KANSL3: variants seen among roughly 807,000 people sequenced by gnomAD.
KANSL3 encodes KAT8 regulatory NSL complex subunit 3.
Under a neutral mutation model 89.2 loss-of-function variants are expected in KANSL3, and 16 were observed. The ratio of observed to expected loss-of-function variants is 0.18; its 90% confidence interval spans 0.12 to 0.27. KANSL3 has a LOEUF of 0.27. Ranked by LOEUF, KANSL3 falls within the 10% of genes least tolerant of loss-of-function variation. The pLI is 1.00. For synonymous variants in KANSL3, 385 were observed against 419.7 expected (o/e 0.92, Z 1.01); for missense variants, 879 against 1,110.6 (o/e 0.79, Z 2.96).
At chr2:96,611,900 C>CGTGTGTGTGTGTGTGT (rs1558703636) in intron 9 of KANSL3, among the ~76,000 whole-genome samples, 12 of 79,570 alleles carry the variant, frequency 1.5e-4, no homozygotes, top group African/African-American at 1.1e-3. Context: ...GATATATACC[C>CGTGTGTGTGTGTGTGT]ATATGTGTGT....
chr2:96,624,468 G>A (rs1444015123), intron 3 of KANSL3, among the ~76,000 whole-genome samples: 2 of 152,148 alleles, frequency 1.3e-5, no homozygotes, highest in Non-Finnish European at 2.9e-5. Context: ...AGCCACTGCA[G>A]TGACCACCCC....
chr2:96,595,605 G>C lies in KANSL3; in HGVS notation c.*6C>G, dbSNP rs748149284. 3 of 1,613,736 alleles carry C rather than the reference G, an allele frequency of 1.9e-6. No individual in the cohort carries two copies. The highest frequency in any genetic ancestry group is 2.5e-6 in the Non-Finnish European group (3 of 1,179,764). ...CTTGGTAAGGAGGACATATCACACA[G>C]CATCTTCAGGGTGCTGGAGGCAGGC... On this transcript the variant is annotated 3_prime_UTR_variant, in exon 21 of 21. Transcript: ENST00000431828.
chr2:96,634,599 C>T (rs1458665163), intron 2 of KANSL3, among the ~76,000 whole-genome samples: 3 of 152,184 alleles, frequency 2.0e-5, no homozygotes. Flanking sequence ...AACTTTGTCA[C>T]CCCAAATACT....
intron 3 of KANSL3, among the ~76,000 whole-genome samples, chr2:96,623,251 T>A (rs2071639925): frequency 6.6e-6 from 1 of 152,218 alleles, no homozygotes; most frequent in African/African-American, 2.4e-5. Flanking sequence ...CCATACCATA[T>A]TAATGCGGAG....
At chr2:96,623,208 A>G (rs1423379597) in intron 3 of KANSL3, among the ~76,000 whole-genome samples, 1 of 152,200 alleles carries the variant, frequency 6.6e-6, no homozygotes, top group Non-Finnish European at 1.5e-5. Context: ...TAAGTTCTGT[A>G]AACAGCCAGG....
intron 20 of KANSL3, chr2:96,600,390 T>C (rs530814209): frequency 2.2e-6 from 2 of 903,840 alleles, no homozygotes; most frequent in South Asian, 1.0e-4. Context: ...TAATCATTTT[T>C]ATAATTGAAA....
rs1470264827 is a variant in KANSL3 at position 96,594,874 on chromosome 2, G to T, written c.*737C>A. The T allele has an allele frequency of 1.3e-5, 2 of 152,248 alleles. No individual in the cohort carries two copies. Among genetic ancestry groups the T allele is most frequent in the Non-Finnish European group, 2.9e-5 (2 of 68,090 alleles). The allele number at this position is 152,248 out of a possible 1,614,324, so 9.4% of individuals were successfully genotyped here. A position where few individuals can be genotyped will look rare whatever the true frequency, so the allele number is the denominator to read the frequency against. On this transcript the variant is annotated 3_prime_UTR_variant, in exon 21 of 21. Transcript: ENST00000431828. ...GGATACAGAAACTGCCCAAAGCATG[G>T]TGAAAAAGACAAAGGGCCCAGGTTT... is the stretch of plus-strand genomic sequence containing the variant.
intron 15 of KANSL3, 80 bp from the exon 16 acceptor site, chr2:96,604,943 T>C: frequency 8.6e-7 from 1 of 1,162,472 alleles, no homozygotes; most frequent in Non-Finnish European, 1.2e-6. Flanking sequence ...TTAGGCTAAA[T>C]GCAAGATATT....
intron 2 of KANSL3, 52 bp downstream of exon 2, chr2:96,636,869 T>A: frequency 7.2e-7 from 1 of 1,381,552 alleles, no homozygotes. Context: ...TAAATTCCCA[T>A]CTGATCACTG....
chr2:96,625,254 G>A (rs956026961), intron 3 of KANSL3, among the ~76,000 whole-genome samples: 1 of 152,136 alleles, frequency 6.6e-6, no homozygotes, highest in Non-Finnish European at 1.5e-5. Flanking sequence ...TAGATTTCCA[G>A]TTCTTTGAAA....
chr2:96,612,183 C>G, intron 9 of KANSL3, 99 bp downstream of exon 9: 1 of 825,886 alleles, frequency 1.2e-6, no homozygotes, highest in South Asian at 1.4e-5. Flanking sequence ...GGTAAAGTAT[C>G]TAGCGCAGAG....
downstream of KANSL3, among the ~76,000 whole-genome samples, chr2:96,592,116 C>T (rs2066285764): frequency 6.6e-6 from 1 of 152,072 alleles, no homozygotes; most frequent in Admixed American, 6.5e-5. Flanking sequence ...GACCTGACTG[C>T]TCAAGTCAGT....
At chr2:96,603,032 A>G (rs2067413987) in intron 17 of KANSL3, among the ~76,000 whole-genome samples, 170 bp from the exon 18 acceptor site, 1 of 152,162 alleles carries the variant, frequency 6.6e-6, no homozygotes, top group African/African-American at 2.4e-5. Context: ...CACACACGCA[A>G]TGGATGCCAC....
At chr2:96,592,212 A>G (rs891354392), downstream of KANSL3, among the ~76,000 whole-genome samples, 15 of 152,164 alleles carry the variant, frequency 9.9e-5, no homozygotes, top group Non-Finnish European at 2.1e-4. Flanking sequence ...TGGACACTCC[A>G]AGCAGCATAC....
chr2:96,599,725 AT>A (rs1287878084), intron 20 of KANSL3: 1 of 602,924 alleles, frequency 1.7e-6, no homozygotes, highest in Non-Finnish European at 2.1e-6. Flanking sequence ...AGCCACTATA[AT>A]TCAAAGAGTA....
chr2:96,632,835 AG>A (rs956629197), intron 2 of KANSL3, among the ~76,000 whole-genome samples: 23 of 152,112 alleles, frequency 1.5e-4, no homozygotes, highest in South Asian at 2.1e-4. Flanking sequence ...CCATGGTAGC[AG>A]GCATCTGTAG....
intron 10 of KANSL3, 83 bp downstream of exon 10, chr2:96,610,981 G>A (rs2068826399): frequency 4.4e-6 from 7 of 1,574,686 alleles, no homozygotes; most frequent in Non-Finnish European, 5.2e-6. Context: ...ACTGCAGTCA[G>A]CCTCAGCATC....
chr2:96,593,250 G>A lies in KANSL3; in HGVS notation c.*2361C>T, dbSNP rs1415911343. ...GCCGCTCAGCTCTATAACCCATCCA[G>A]CCCAAGACTGTTCTAGTGGTGAAAC... On this transcript the variant is annotated 3_prime_UTR_variant, in exon 21 of 21. Transcript: ENST00000431828. 1 of 456,052 alleles carries A rather than the reference G, an allele frequency of 2.2e-6. No individual in the cohort carries two copies. The allele number at this position is 456,052 out of a possible 1,614,324, so 28.3% of individuals were successfully genotyped here.
At chr2:96,618,489 C>T (rs1303124142) in intron 5 of KANSL3, among the ~76,000 whole-genome samples, 1 of 152,216 alleles carries the variant, frequency 6.6e-6, no homozygotes, top group Non-Finnish European at 1.5e-5. Flanking sequence ...TATGCCCGGC[C>T]GTGAGGCCAT....
Sources: allele counts gnomAD v4.1 joint callset (sites outside exome capture counted in the v4.1 genomes callset), GRCh38; gene constraint gnomAD v4.1.1; transcripts MANE v1.5; gene names NCBI Gene and HGNC (gene_info 2026-07-23, HGNC 2026-07-21).